Variants in CDH7 observed in about 807,000 individuals in gnomAD.
The protein encoded by CDH7 is cadherin-7.
A neutral mutation model predicts 71.8 loss-of-function variants in CDH7; 25 were observed. The ratio of observed to expected loss-of-function variants is 0.35; its 90% CI spans 0.25 to 0.49. The LOEUF is 0.49. Ranked by LOEUF, CDH7 falls within the 20% of genes least tolerant of loss-of-function variation. The pLI, the probability that CDH7 is intolerant of heterozygous loss-of-function variation, is 0.99. For missense variants in CDH7, 862 were observed against 974.6 expected (o/e 0.88, Z 1.54); for synonymous variants, 381 against 363.8 (o/e 1.05, Z -0.54).
intron 2 of CDH7, among the ~76,000 whole-genome samples, chr18:65,766,901 AAAAAAAAAAAAAAAAAAAAAAG>A (rs1916389755): frequency 3.6e-5 from 2 of 55,470 alleles, no homozygotes. Flanking sequence ...AAAAAAAAAA[AAAAAAAAAAAAAAAAAAAAAAG>A]TCTACAAAAC....
rs143116700 is a variant in CDH7 at position 65,875,177 on chromosome 18, C to T, written c.1865-5224C>T. 3.9e-5 allele frequency among the ~76,000 whole-genome samples: 6 copies of T among 152,242 alleles called. No individual in the cohort carries two copies. In the East Asian group the frequency reaches 1.2e-3, roughly 29 times the overall value. ...AGGGGAAGCCAAAAGATTGGACACC[C>T]CTGCTGTAGAGCAAATATAGGTGAC... On this transcript the variant is annotated intron_variant, in intron 11 of 11. Coordinates refer to ENST00000397968, the MANE Select transcript of CDH7 (RefSeq NM_004361.5).
chr18:65,828,037 C>T (rs964806859), intron 6 of CDH7, among the ~76,000 whole-genome samples: 6 of 151,780 alleles, frequency 4.0e-5, no homozygotes, highest in South Asian at 2.1e-4. Flanking sequence ...TCCTTCTCCA[C>T]GTAGTTCTGA....
chr18:65,850,636 G>A (rs943791317), intron 7 of CDH7, among the ~76,000 whole-genome samples: 1 of 150,754 alleles, frequency 6.6e-6, no homozygotes, highest in Non-Finnish European at 1.5e-5. Flanking sequence ...TGATATATGT[G>A]GCCGTCTCTT....
chr18:65,757,728 A>G (rs1916070614), intron 1 of CDH7, among the ~76,000 whole-genome samples: 1 of 151,890 alleles, frequency 6.6e-6, no homozygotes, highest in South Asian at 2.1e-4. Flanking sequence ...GAAATGTTCC[A>G]GTGTCCAAAA....
chr18:65,759,635 A>G (rs1222707907), intron 1 of CDH7, among the ~76,000 whole-genome samples: 3 of 152,182 alleles, frequency 2.0e-5, no homozygotes, highest in Non-Finnish European at 2.9e-5. Context: ...AATTGTCAAA[A>G]AGTAGAAAAG....
intron 1 of CDH7, among the ~76,000 whole-genome samples, chr18:65,757,375 T>C (rs1411689887): frequency 6.6e-6 from 1 of 152,194 alleles, no homozygotes; most frequent in Non-Finnish European, 1.5e-5. Flanking sequence ...AAGGGATTTT[T>C]ACCTCTTGTT....
chr18:65,860,201 A>C (rs1181308360), intron 10 of CDH7, among the ~76,000 whole-genome samples: 1 of 152,186 alleles, frequency 6.6e-6, no homozygotes, highest in Non-Finnish European at 1.5e-5. Context: ...AGAACTGGAC[A>C]TTACACATTT....
In CDH7 at chr18:65,776,401, C is replaced by CACACAGAG. The variant is rs1370490839; in HGVS notation, c.210+13350_210+13351insCACAGAGA. On this transcript the variant is annotated intron_variant, in intron 2 of 11. Transcript: ENST00000397968. ...ACACACACACACACACACACACACA[C>CACACAGAG]AGAGAGAGAGAGAGGGAAGAGAGAG... 3.7e-3 allele frequency among the ~76,000 whole-genome samples: 465 copies of CACACAGAG among 124,718 alleles called. 4 individuals are homozygous for CACACAGAG. The highest frequency in any genetic ancestry group is 0.015 in the African/African-American group (450 of 29,470). The allele number at this position is 124,718 out of a possible 152,430, so 81.8% of individuals were successfully genotyped here. A position where few individuals can be genotyped will look rare whatever the true frequency, so the allele number is the denominator to read the frequency against.
chr18:65,804,007 G>C (rs1029598665), intron 2 of CDH7, among the ~76,000 whole-genome samples: 4 of 151,962 alleles, frequency 2.6e-5, no homozygotes, highest in African/African-American at 9.7e-5. Context: ...TTAATACAAA[G>C]CTGCAATTAT....
At chr18:65,800,612 A>G (rs1911087138) in intron 2 of CDH7, among the ~76,000 whole-genome samples, 1 of 152,192 alleles carries the variant, frequency 6.6e-6, no homozygotes, top group African/African-American at 2.4e-5. Context: ...AGAAACCTAC[A>G]TACTAAATTT....
chr18:65,819,804 A>G (rs994678125), intron 4 of CDH7, among the ~76,000 whole-genome samples: 10 of 151,498 alleles, frequency 6.6e-5, no homozygotes, highest in African/African-American at 1.7e-4. Context: ...AGTGAGAACA[A>G]TCCTAAAGGG....
chr18:65,881,121 T>A lies in CDH7; in HGVS notation c.*227T>A. The A allele has an allele frequency of 2.5e-6, 1 of 398,652 alleles. No homozygotes were observed. The highest frequency in any genetic ancestry group is 4.4e-6 in the Non-Finnish European group (1 of 227,200). The allele number at this position is 398,652 out of a possible 1,614,324, so 24.7% of individuals were successfully genotyped here. A position where few individuals can be genotyped will look rare whatever the true frequency, so the allele number is the denominator to read the frequency against. On this transcript the variant is annotated 3_prime_UTR_variant, in exon 12 of 12. Coordinates refer to ENST00000397968, the MANE Select transcript of CDH7 (RefSeq NM_004361.5). Reference sequence around the variant, plus strand: ...CTGCACTGACCACAGACTCTGAGCATTTGAAGGTTTTTTGATAAAAATAAA... The same window carrying A: ...CTGCACTGACCACAGACTCTGAGCAATTGAAGGTTTTTTGATAAAAATAAA...
intron 7 of CDH7, among the ~76,000 whole-genome samples, chr18:65,845,191 G>A (rs1287463617): frequency 6.6e-6 from 1 of 151,126 alleles, no homozygotes; most frequent in African/African-American, 2.4e-5. Flanking sequence ...ATACATATAT[G>A]TATATGTGTA....
intron 1 of CDH7, among the ~76,000 whole-genome samples, chr18:65,758,184 G>A (rs1295602000): frequency 6.6e-6 from 1 of 152,150 alleles, no homozygotes; most frequent in Non-Finnish European, 1.5e-5. Context: ...TCAAGTTTAA[G>A]TTTGGATTAC....
intron 2 of CDH7, among the ~76,000 whole-genome samples, chr18:65,793,410 C>T (rs1237887610): frequency 6.8e-6 from 1 of 147,956 alleles, no homozygotes; most frequent in Non-Finnish European, 1.5e-5. Context: ...AACAGCGACA[C>T]CCAGTCTCAA....
intron 4 of CDH7, among the ~76,000 whole-genome samples, chr18:65,820,911 C>T (rs1911900679): frequency 6.6e-6 from 1 of 151,818 alleles, no homozygotes; most frequent in Non-Finnish European, 1.5e-5. Flanking sequence ...GATGATAACA[C>T]ACATACTGAT....
intron 2 of CDH7, among the ~76,000 whole-genome samples, chr18:65,795,288 C>T (rs966803657): frequency 1.3e-5 from 2 of 152,062 alleles, no homozygotes; most frequent in African/African-American, 4.8e-5. Context: ...AAAGATGATT[C>T]AGTTGGCACT....
chr18:65,764,028 A>G (rs12961301), intron 2 of CDH7, among the ~76,000 whole-genome samples: 62,862 of 151,832 alleles, frequency 0.41, 14,754 homozygotes, highest in African/African-American at 0.65. Flanking sequence ...GTATTTTTAC[A>G]CTTCACTCTG....
Position 65,822,162 on chromosome 18 carries a change from T to C in CDH7, c.707T>C (p.Val236Ala). 1 of 1,613,022 alleles carries C rather than the reference T, an allele frequency of 6.2e-7. No individual in the cohort carries two copies. Among genetic ancestry groups the C allele is most frequent in the Non-Finnish European group, 8.5e-7 (1 of 1,179,054 alleles). ...CTTGTCATTCAGGCAAAGGATATGG[T>C]TGGTCAAAATGGAGGACTGTCAGGA... ...YLLVIQAKDM[V>A]GQNGGLSGTT... The change falls in exon 5 of 12, where the codon GTT becomes GCT. Residue 236 changes from valine (V) to alanine (A), a missense_variant. Val to Ala is a moderately conservative substitution (Grantham distance 64, BLOSUM62 0). Coordinates refer to ENST00000397968, the MANE Select transcript of CDH7 (RefSeq NM_004361.5).
Sources: allele counts gnomAD v4.1 joint callset (sites outside exome capture counted in the v4.1 genomes callset), GRCh38; gene constraint gnomAD v4.1.1; transcripts MANE v1.5; gene names NCBI Gene and HGNC (gene_info 2026-07-23, HGNC 2026-07-21).